OR14I1: variants seen among roughly 807,000 people sequenced by gnomAD.
OR14I1 encodes the protein olfactory receptor 14I1.
For synonymous variants in OR14I1, 118 were observed against 71.1 expected, an observed-to-expected ratio of 1.66 and a Z score of -3.32; for missense variants, 279 against 181.8, an observed-to-expected ratio of 1.53 and a Z score of -3.07.
chr1:248,702,209 G>T, the OR14I1 span, among the ~76,000 whole-genome samples: 5 of 152,016 alleles, frequency 3.3e-5, no homozygotes, highest in Non-Finnish European at 7.4e-5. Context: ...CTCATTTCAG[G>T]ATTAACTCAA....
At chr1:248,690,531 A>G in the OR14I1 span, among the ~76,000 whole-genome samples, 2 of 151,092 alleles carry the variant, frequency 1.3e-5, no homozygotes, top group African/African-American at 4.9e-5. Context: ...TATACCAGGA[A>G]GAAGTCGAAT....
chr1:248,699,476 G>A, the OR14I1 span, among the ~76,000 whole-genome samples: 1 of 152,286 alleles, frequency 6.6e-6, no homozygotes, highest in Non-Finnish European at 1.5e-5. Flanking sequence ...GAAATAACAT[G>A]CACTGAGACA....
chr1:248,700,607 A>G, the OR14I1 span, among the ~76,000 whole-genome samples: 1 of 152,234 alleles, frequency 6.6e-6, no homozygotes, highest in Non-Finnish European at 1.5e-5. Flanking sequence ...TGTCATGACA[A>G]CTTGTACTCC....
At chr1:248,698,846 C>T in the OR14I1 span, 2 of 152,212 alleles carry the variant, frequency 1.3e-5, no homozygotes, top group African/African-American at 4.8e-5. Context: ...GTCTCACTTA[C>T]AGTTTCTTGC....
upstream of OR14I1, among the ~76,000 whole-genome samples, chr1:248,684,506 G>A (rs1661610694): frequency 2.0e-5 from 3 of 152,170 alleles, no homozygotes; most frequent in Admixed American, 1.3e-4. Context: ...AATGACATAT[G>A]TGAGGATGTT....
chr1:248,697,808 C>T, the OR14I1 span, among the ~76,000 whole-genome samples: 1,027 of 152,128 alleles, frequency 6.8e-3, 16 homozygotes, highest in African/African-American at 0.024. Context: ...CAAAAAACCA[C>T]GGGGGCAATG....
chr1:248,691,208 A>G, the OR14I1 span, among the ~76,000 whole-genome samples: 1 of 152,230 alleles, frequency 6.6e-6, no homozygotes, highest in East Asian at 1.9e-4. Flanking sequence ...GCTCATAGGT[A>G]GAAGGGACCC....
exon 1 of OR14I1, chr1:248,681,610 C>G (rs756696617): frequency 1.3e-6 from 1 of 780,790 alleles, no homozygotes; most frequent in Admixed American, 1.7e-5. Context: ...GGCTTTTGCT[C>G]GACTCTGTCC....
At chr1:248,689,850 C>G in the OR14I1 span, among the ~76,000 whole-genome samples, 2 of 152,214 alleles carry the variant, frequency 1.3e-5, no homozygotes, top group East Asian at 1.9e-4. Context: ...TCAGCAAAGG[C>G]AAAACAATGG....
At chr1:248,693,767 A>G in the OR14I1 span, among the ~76,000 whole-genome samples, 9 of 147,950 alleles carry the variant, frequency 6.1e-5, no homozygotes, top group Non-Finnish European at 1.0e-4. Context: ...ATTTTTCTCA[A>G]TCAAAGCTCA....
Position 248,682,230 on chromosome 1 carries a change from G to A in OR14I1, c.75C>T (p.His25=), listed in dbSNP as rs192289992. 5.8e-5 allele frequency: 45 copies of A among 779,592 alleles called. 1 individual carries two copies. Among genetic ancestry groups the A allele is most frequent in the East Asian group, 5.3e-4 (22 of 41,254 alleles). 48.3% of individuals were successfully genotyped at this position (779,592 alleles called of 1,614,324 possible). ...GATAAATCAGCAGAAACAGCCCGGC[G>A]TGCAGCACCTGCAGCTCCCAGATAC... Residue 25 remains histidine (H), a synonymous_variant, in exon 1 of 1, where the codon CAC becomes CAT. Coordinates refer to ENST00000342623, the Ensembl canonical transcript of OR14I1.
chr1:248,686,469 C>T (rs566496763), upstream of OR14I1, among the ~76,000 whole-genome samples: 1 of 152,114 alleles, frequency 6.6e-6, no homozygotes, highest in Non-Finnish European at 1.5e-5. Context: ...GGAACAAAAC[C>T]AATACACACT....
the OR14I1 span, among the ~76,000 whole-genome samples, chr1:248,694,217 G>T: frequency 1.3e-5 from 2 of 152,128 alleles, no homozygotes; most frequent in Non-Finnish European, 2.9e-5. Flanking sequence ...ATGATTAGTA[G>T]TGAAGTTTGT....
chr1:248,683,831 C>T (rs759333058), upstream of OR14I1, among the ~76,000 whole-genome samples: 2 of 152,278 alleles, frequency 1.3e-5, no homozygotes, highest in East Asian at 1.9e-4. Context: ...GTGAGGAGTT[C>T]GAGACCAGCC....
chr1:248,681,446 T>G (rs1349617382), exon 1 of OR14I1: 1 of 781,012 alleles, frequency 1.3e-6, no homozygotes, highest in East Asian at 2.4e-5. Flanking sequence ...AGACTATATA[T>G]GATGGGATTG....
At chr1:248,696,053 C>G in the OR14I1 span, among the ~76,000 whole-genome samples, 7 of 152,160 alleles carry the variant, frequency 4.6e-5, no homozygotes, top group Admixed American at 1.3e-4. Flanking sequence ...ACTCCCCACT[C>G]CCACCACCTC....
the OR14I1 span, among the ~76,000 whole-genome samples, chr1:248,700,477 C>T: frequency 3.9e-5 from 6 of 152,204 alleles, no homozygotes; most frequent in Non-Finnish European, 7.3e-5. Context: ...AAAGGACTTC[C>T]TAATTTATGG....
exon 1 of OR14I1, chr1:248,682,260 A>G (rs746018801): frequency 3.9e-6 from 3 of 766,544 alleles, no homozygotes; most frequent in Non-Finnish European, 4.8e-6. Flanking sequence ...AGATACCAGA[A>G]AACTCCATCA....
At chr1:248,684,527 C>T (rs4294448), upstream of OR14I1, among the ~76,000 whole-genome samples, 125,540 of 152,092 alleles carry the variant, frequency 0.83, 52,314 homozygotes, top group Middle Eastern at 0.9. Context: ...TGCTCCATGA[C>T]GTTTAAACCC....
Sources: gnomAD v4.1 joint callset for allele counts (sites outside exome capture counted in the v4.1 genomes callset) on GRCh38, gnomAD v4.1.1 for gene constraint, MANE v1.5 for transcripts, NCBI Gene and HGNC (gene_info 2026-07-23, HGNC 2026-07-21) for gene names.